The following GALNT2 variants were observed in gnomAD, a reference collection of about 807,000 sequenced individuals.
GALNT2 encodes polypeptide N-acetylgalactosaminyltransferase 2.
In GALNT2, 31 loss-of-function variants were observed where a neutral mutation model predicts 81.4. That is an observed-to-expected ratio of 0.38 (90% CI 0.29 to 0.51). The LOEUF (loss-of-function observed/expected upper bound fraction) is 0.51, where lower values mean the gene tolerates loss of function less well. GALNT2 is among the 20% of genes least tolerant of loss of function. GALNT2 has a pLI of 0.87. For synonymous variants in GALNT2, 303 were observed against 287.4 expected (o/e 1.05, Z -0.55); for missense variants, 629 against 765.7 (o/e 0.82, Z 2.11).
chr1:230,178,448 G>T (rs992778982), intron 2 of GALNT2, 137 bp downstream of exon 2: 1 of 607,568 alleles, frequency 1.6e-6, no homozygotes. Flanking sequence ...CTAAAGCACT[G>T]CTTTGCCAAC....
chr1:230,097,184 T>C (rs1321836460), intron 1 of GALNT2, among the ~76,000 whole-genome samples: 1 of 152,244 alleles, frequency 6.6e-6, no homozygotes, highest in Non-Finnish European at 1.5e-5. Flanking sequence ...GCTCAGGAGA[T>C]AGAATATTTA....
chr1:230,216,718 A>G (rs1049090377), intron 3 of GALNT2, among the ~76,000 whole-genome samples: 2 of 151,964 alleles, frequency 1.3e-5, no homozygotes, highest in East Asian at 1.9e-4. Context: ...ATGAGCCACC[A>G]TGCCTGGCCT....
At chr1:230,199,658 G>C (rs146764368) in intron 2 of GALNT2, among the ~76,000 whole-genome samples, 1 of 152,276 alleles carries the variant, frequency 6.6e-6, no homozygotes, top group African/African-American at 2.4e-5. Flanking sequence ...TTCCAGTACT[G>C]CTAAGCTTTT....
chr1:230,212,653 T>C (rs922564726), intron 3 of GALNT2, among the ~76,000 whole-genome samples: 1 of 151,974 alleles, frequency 6.6e-6, no homozygotes, highest in Non-Finnish European at 1.5e-5. Flanking sequence ...CAATAATGGC[T>C]CCTTGCTTAA....
chr1:230,084,739 A>G (rs564347106), intron 1 of GALNT2, among the ~76,000 whole-genome samples: 6 of 152,234 alleles, frequency 3.9e-5, no homozygotes, highest in African/African-American at 1.2e-4. Context: ...TGACTCAGCT[A>G]TGGGCTACCA....
chr1:230,201,574 A>G (rs569428888), intron 2 of GALNT2, among the ~76,000 whole-genome samples: 7 of 152,324 alleles, frequency 4.6e-5, no homozygotes, highest in Admixed American at 6.5e-5. Flanking sequence ...TGCTATTATC[A>G]TACCGTGTTT....
At chr1:230,168,475 C>T (rs560544462) in intron 1 of GALNT2, among the ~76,000 whole-genome samples, 19 of 152,196 alleles carry the variant, frequency 1.2e-4, no homozygotes, top group Non-Finnish European at 2.1e-4. Context: ...GCTGATTATT[C>T]TCATTGGAAG....
At chr1:230,168,410 T>C (rs1308212475) in intron 1 of GALNT2, among the ~76,000 whole-genome samples, 22 of 152,208 alleles carry the variant, frequency 1.4e-4, no homozygotes, top group South Asian at 4.1e-4. Context: ...GAAGAGAGGA[T>C]GGTGGCGTGG....
At chr1:230,232,541 C>T (rs1461407881) in intron 3 of GALNT2, among the ~76,000 whole-genome samples, 1 of 152,104 alleles carries the variant, frequency 6.6e-6, no homozygotes, top group African/African-American at 2.4e-5. Context: ...TTTAAATTCT[C>T]CTATAGCTGC....
intron 2 of GALNT2, among the ~76,000 whole-genome samples, chr1:230,182,318 G>A (rs78326536): frequency 0.022 from 3,379 of 151,916 alleles, 119 homozygotes; most frequent in African/African-American, 0.075. Flanking sequence ...TAGAATCTTA[G>A]ATGATTGCTT....
Position 230,274,449 on chromosome 1 carries a change from G to A in GALNT2, c.1445G>A (p.Trp482Ter), listed in dbSNP as rs1396316556. 6.2e-7 allele frequency: 1 copy of A among 1,613,260 alleles called. No homozygotes were observed. Among genetic ancestry groups the A allele is most frequent in the Non-Finnish European group, 8.5e-7 (1 of 1,179,590 alleles). Residue 482 changes from tryptophan to a stop codon, truncating the protein, a stop_gained, in exon 15 of 16, where the codon TGG becomes TAG. Transcript: ENST00000366672. LOFTEE classifies it high-confidence loss of function. Reference protein sequence around the residue: ...ECHNAGGNQEWALTKEKSVKH... With the variant: ...ECHNAGGNQE ...ACTTCTGGTTTTGTGTTCCAGGAAT[G>A]GGCCTTGACGAAGGAGAAGTCGGTG...
intron 3 of GALNT2, among the ~76,000 whole-genome samples, chr1:230,209,621 C>T (rs749108660): frequency 4.6e-5 from 7 of 152,168 alleles, no homozygotes; most frequent in Non-Finnish European, 8.8e-5. Context: ...GCGGGTGAAT[C>T]GCTTGAGTCC....
chr1:230,232,465 A>G (rs1227560783), intron 3 of GALNT2, among the ~76,000 whole-genome samples: 1 of 152,226 alleles, frequency 6.6e-6, no homozygotes, highest in African/African-American at 2.4e-5. Context: ...CCGAGAGAAT[A>G]GGACATGATT....
intron 1 of GALNT2, among the ~76,000 whole-genome samples, chr1:230,160,992 C>G (rs1309480621): frequency 6.6e-6 from 1 of 152,150 alleles, no homozygotes; most frequent in Admixed American, 6.5e-5. Flanking sequence ...CAGTCTACTT[C>G]CTATCTATTG....
At chr1:230,227,604 A>G (rs1178328227) in intron 3 of GALNT2, among the ~76,000 whole-genome samples, 1 of 151,668 alleles carries the variant, frequency 6.6e-6, no homozygotes, top group Non-Finnish European at 1.5e-5. Flanking sequence ...TAGGAATGTA[A>G]AAATGATTGA....
intron 2 of GALNT2, among the ~76,000 whole-genome samples, chr1:230,192,687 GA>G (rs965176299): frequency 6.6e-6 from 1 of 152,138 alleles, no homozygotes; most frequent in African/African-American, 2.4e-5. Context: ...TAGTTGTTTT[GA>G]TAGCACAGAT....
intron 1 of GALNT2, among the ~76,000 whole-genome samples, chr1:230,132,204 A>G (rs1268405079): frequency 1.3e-5 from 2 of 152,170 alleles, no homozygotes; most frequent in Non-Finnish European, 2.9e-5. Flanking sequence ...TAACAGTAGT[A>G]ACTGTGGCGG....
chr1:230,135,367 G>A lies in GALNT2; in HGVS notation c.127-42851G>A, dbSNP rs186607637. On this transcript the variant is annotated intron_variant, in intron 1 of 15. Coordinates refer to ENST00000366672, the MANE Select transcript of GALNT2 (RefSeq NM_004481.5). ...TTTTCTCTTTGTAATTCTACTTTGC[G>A]ATGCATGTTTCAGAAGAGAAACCAT... Among the ~76,000 whole-genome samples, 516 of 151,992 alleles carry A rather than the reference G, an allele frequency of 3.4e-3. 3 individuals are homozygous for A. Among genetic ancestry groups the A allele is most frequent in the Non-Finnish European group, 4.5e-3 (303 of 67,970 alleles).
intron 1 of GALNT2, among the ~76,000 whole-genome samples, chr1:230,122,806 C>T (rs1289936937): frequency 6.6e-6 from 1 of 152,120 alleles, no homozygotes; most frequent in Non-Finnish European, 1.5e-5. Flanking sequence ...TCTCTGCACA[C>T]GCGTATAGTG....
Sources: gnomAD v4.1 joint callset for allele counts (sites outside exome capture counted in the v4.1 genomes callset) on GRCh38, gnomAD v4.1.1 for gene constraint, MANE v1.5 for transcripts, NCBI Gene and HGNC (gene_info 2026-07-23, HGNC 2026-07-21) for gene names.